Variants in HDAC8 observed in about 807,000 individuals in gnomAD.
The protein encoded by HDAC8 is histone deacetylase-like 1.
In HDAC8, 1 loss-of-function variant was observed where a neutral mutation model predicts 32.2. The ratio of observed to expected loss-of-function variants is 0.03; its 90% CI spans 0.01 to 0.15. The LOEUF is 0.15. HDAC8 is among the 10% of genes least tolerant of loss of function. The pLI, the probability that HDAC8 is intolerant of heterozygous loss-of-function variation, is 1.00. For missense variants in HDAC8, 117 were observed against 300.0 expected (o/e 0.39, Z 4.51); for synonymous variants, 108 against 113.9 (o/e 0.95, Z 0.33).
At chrX:72,568,359 G>T in intron 3 of HDAC8, among the ~76,000 whole-genome samples, 1 of 111,808 alleles carries the variant, frequency 8.9e-6, no homozygotes, top group Non-Finnish European at 1.9e-5. Context: ...AAACCATGCT[G>T]TTTTTCTAGA....
chrX:72,335,716 G>T (rs2043664871), intron 10 of HDAC8, among the ~76,000 whole-genome samples: 1 of 110,344 alleles, frequency 9.1e-6, no homozygotes, highest in African/African-American at 3.3e-5. Flanking sequence ...TTCAAGACTA[G>T]CCTGGGCAAA....
At chrX:72,451,467 G>A (rs907949681) in intron 9 of HDAC8, among the ~76,000 whole-genome samples, 3 of 112,342 alleles carry the variant, frequency 2.7e-5, no homozygotes, top group Non-Finnish European at 5.6e-5. Flanking sequence ...AAAGTGTTGG[G>A]ATTACAGGCA....
chrX:72,417,332 T>C (rs12011221), intron 9 of HDAC8, among the ~76,000 whole-genome samples: 9,380 of 111,250 alleles, frequency 0.084, 1,012 homozygotes, highest in East Asian at 0.74. Flanking sequence ...ACCTAGAAAA[T>C]GCCACAGTCT....
intron 4 of HDAC8, among the ~76,000 whole-genome samples, chrX:72,551,079 G>GCACACACACA (rs56118046): frequency 5.2e-5 from 5 of 96,410 alleles, no homozygotes; most frequent in African/African-American, 1.9e-4. Flanking sequence ...TGAAGTCAGC[G>GCACACACACA]CACACACACA....
At chrX:72,512,028 C>CA (rs782029342) in intron 4 of HDAC8, among the ~76,000 whole-genome samples, 11 of 111,714 alleles carry the variant, frequency 9.8e-5, no homozygotes, top group Non-Finnish European at 1.7e-4. Flanking sequence ...GACTTCTTAG[C>CA]AAAATGGTGA....
intron 7 of HDAC8, among the ~76,000 whole-genome samples, chrX:72,469,868 G>A (rs2048117671): frequency 9.0e-6 from 1 of 110,819 alleles, no homozygotes; most frequent in African/African-American, 3.3e-5. Context: ...AATTAAACAT[G>A]GCCGGTCACG....
In HDAC8 at chrX:72,491,110, A is replaced by C. The variant is rs1019773086; in HGVS notation, c.551-104T>G. ...GCTGTGAGAAGGAGGGTAGATGAGAAGGCAGCAATATAAAACTAACAAGCT... is the reference window on the plus strand; with the variant it reads ...GCTGTGAGAAGGAGGGTAGATGAGACGGCAGCAATATAAAACTAACAAGCT... On this transcript the variant is annotated intron_variant, in intron 5 of 10. Transcript: ENST00000373573. 9.8e-5 allele frequency: 51 copies of C among 519,162 alleles called. No homozygotes were observed. In the African/African-American group the frequency reaches 1.1e-3, roughly 11 times the overall value. 42.8% of individuals were successfully genotyped at this position (519,162 alleles called of 1,213,427 possible). A position where few individuals can be genotyped will look rare whatever the true frequency, so the allele number is the denominator to read the frequency against.
At chrX:72,380,651 G>A (rs868970605) in intron 9 of HDAC8, among the ~76,000 whole-genome samples, 7 of 111,479 alleles carry the variant, frequency 6.3e-5, no homozygotes, top group South Asian at 3.8e-4. Flanking sequence ...TCTGAAAAGC[G>A]TAAAATATTT....
intron 10 of HDAC8, among the ~76,000 whole-genome samples, chrX:72,339,165 G>C (rs782024216): frequency 1.8e-5 from 2 of 111,501 alleles, no homozygotes; most frequent in East Asian, 5.7e-4. Flanking sequence ...GGCAGGCTCT[G>C]GTATCTGAGA....
chrX:72,382,371 C>A (rs781792255), intron 9 of HDAC8, among the ~76,000 whole-genome samples: 4 of 112,215 alleles, frequency 3.6e-5, no homozygotes, highest in African/African-American at 1.3e-4. Flanking sequence ...CCTATTAAGA[C>A]AGATCTTTGG....
intron 9 of HDAC8, among the ~76,000 whole-genome samples, chrX:72,357,830 T>C (rs782047778): frequency 8.9e-6 from 1 of 111,980 alleles, no homozygotes; most frequent in Non-Finnish European, 1.9e-5. Context: ...ACTAGGCATT[T>C]ATCCTTTACT....
chrX:72,512,736 C>G (rs1024891100), intron 4 of HDAC8, among the ~76,000 whole-genome samples: 3 of 111,346 alleles, frequency 2.7e-5, no homozygotes, highest in Non-Finnish European at 5.6e-5. Flanking sequence ...CCTCCTGGGT[C>G]GCACACTTTA....
In HDAC8 at chrX:72,567,732, T is replaced by C. The variant is rs782112505; in HGVS notation, c.437+157A>G. The C allele has an allele frequency of 2.5e-6, 3 of 1,208,135 alleles. No homozygotes were observed. The South Asian group carries it at 5.3e-5, about 21-fold the overall frequency. On this transcript the variant is annotated intron_variant, in intron 4 of 10. Transcript: ENST00000373573. ...GTGCTTTCCACTATATTAGGTAATC[T>C]TTTTTCTATTTCACTTGGATTTCTT...
At chrX:72,386,445 AT>A (rs200382425) in intron 9 of HDAC8, among the ~76,000 whole-genome samples, 53 of 108,722 alleles carry the variant, frequency 4.9e-4, no homozygotes, top group Admixed American at 2.0e-3. Flanking sequence ...CTTATGTATG[AT>A]TTTTTTTTTA....
Position 72,358,687 on chromosome X carries a change from G to A in HDAC8, c.1006-6849C>T, listed in dbSNP as rs552971216. Among the ~76,000 whole-genome samples the A allele has an allele frequency of 8.0e-5, 9 of 112,294 alleles. No individual in the cohort carries two copies. In the East Asian group the frequency reaches 1.7e-3, roughly 21 times the overall value. ...AGGTAACTGAAACTAAGAAAAGGGCGGTTAAGAAGGAGACTAGTGTATACC... is the reference window on the plus strand; with the variant it reads ...AGGTAACTGAAACTAAGAAAAGGGCAGTTAAGAAGGAGACTAGTGTATACC... On this transcript the variant is annotated intron_variant, in intron 9 of 10. Coordinates refer to ENST00000373573, the MANE Select transcript of HDAC8 (RefSeq NM_018486.3).
chrX:72,444,456 T>G (rs2047303206), intron 9 of HDAC8, among the ~76,000 whole-genome samples: 1 of 111,546 alleles, frequency 9.0e-6, no homozygotes, highest in Non-Finnish European at 1.9e-5. Flanking sequence ...TCTCAATAGA[T>G]GCAGAAAAGG....
At chrX:72,513,299 C>T (rs1303648290) in intron 4 of HDAC8, among the ~76,000 whole-genome samples, 3 of 111,188 alleles carry the variant, frequency 2.7e-5, no homozygotes, top group Non-Finnish European at 5.7e-5. Context: ...GTGCTTAGCA[C>T]ATGCTATGCT....
At chrX:72,346,350 C>T (rs1014445258) in intron 10 of HDAC8, among the ~76,000 whole-genome samples, 8 of 112,153 alleles carry the variant, frequency 7.1e-5, no homozygotes, top group Middle Eastern at 4.2e-3. Context: ...TACCTTTCAA[C>T]TTATCCTCAT....
At chrX:72,353,098 C>T (rs1275086274) in intron 9 of HDAC8, among the ~76,000 whole-genome samples, 1 of 111,818 alleles carries the variant, frequency 8.9e-6, no homozygotes, top group Non-Finnish European at 1.9e-5. Flanking sequence ...TGATGCCATT[C>T]AAAGAGCTTC....
Sources: gnomAD v4.1 joint callset for allele counts (sites outside exome capture counted in the v4.1 genomes callset) on GRCh38, gnomAD v4.1.1 for gene constraint, MANE v1.5 for transcripts, NCBI Gene and HGNC (gene_info 2026-07-23, HGNC 2026-07-21) for gene names.